The following FAAH2 variants were observed in gnomAD, a reference collection of about 807,000 sequenced individuals.
FAAH2 encodes fatty acid amide hydrolase 2, also known as fatty-acid amide hydrolase 2.
A neutral mutation model predicts 36.9 loss-of-function variants in FAAH2; 60 were observed. The ratio of observed to expected loss-of-function variants is 1.63; its 90% CI spans 1.32 to 2.02. The LOEUF is 2.02. Among genes scored for constraint, FAAH2 ranks in the 30% most tolerant of loss-of-function variants. FAAH2 has a pLI of 0.00. For synonymous variants in FAAH2, 214 were observed against 143.8 expected, an observed-to-expected ratio of 1.49 and a Z score of -3.49; for missense variants, 689 against 397.5, an observed-to-expected ratio of 1.73 and a Z score of -6.23.
chrX:57,304,617 T>G (rs930317722), intron 2 of FAAH2, among the ~76,000 whole-genome samples: 4 of 112,067 alleles, frequency 3.6e-5, no homozygotes, highest in Non-Finnish European at 5.6e-5. Context: ...CACTTAAGGT[T>G]AGAGATTGGG....
the FAAH2 span, among the ~76,000 whole-genome samples, chrX:57,157,754 G>T: frequency 9.0e-6 from 1 of 111,632 alleles, no homozygotes; most frequent in African/African-American, 3.3e-5. Context: ...TGTTCCGCAG[G>T]GGGTAGGAGG....
the FAAH2 span, among the ~76,000 whole-genome samples, chrX:57,122,563 A>C: frequency 3.6e-5 from 4 of 112,508 alleles, no homozygotes; most frequent in Admixed American, 9.4e-5. Context: ...GGAATGTTGA[A>C]ATAATTATTT....
chrX:57,309,623 A>G (rs751781978), intron 2 of FAAH2, among the ~76,000 whole-genome samples: 15 of 111,114 alleles, frequency 1.3e-4, no homozygotes, highest in African/African-American at 4.9e-4. Flanking sequence ...CACCCCTGAG[A>G]GGCCCCAGTG....
the FAAH2 span, among the ~76,000 whole-genome samples, chrX:57,194,958 TGTGTGTGTGTGTGTGTAA>T: frequency 1.8e-5 from 2 of 109,556 alleles, no homozygotes; most frequent in African/African-American, 3.3e-5. Context: ...TGTGTGTGTA[TGTGTGTGTGTGTGTGTAA>T]GTGTGTATAT....
At chrX:57,255,070 A>T in the FAAH2 span, among the ~76,000 whole-genome samples, 3 of 111,415 alleles carry the variant, frequency 2.7e-5, no homozygotes, top group Non-Finnish European at 5.7e-5. Context: ...AATCAAATAA[A>T]TGTAATAAAA....
chrX:57,390,826 C>A (rs1351647568), intron 7 of FAAH2, among the ~76,000 whole-genome samples: 1 of 111,048 alleles, frequency 9.0e-6, no homozygotes, highest in East Asian at 2.8e-4. Context: ...TAATTTTTTT[C>A]TTTTGGTTAG....
At chrX:57,201,865 A>G in the FAAH2 span, among the ~76,000 whole-genome samples, 1 of 111,526 alleles carries the variant, frequency 9.0e-6, no homozygotes, top group Non-Finnish European at 1.9e-5. Context: ...GTATTTTCAA[A>G]TAGCCTGTCT....
chrX:57,243,559 G>A, the FAAH2 span, among the ~76,000 whole-genome samples: 5 of 112,361 alleles, frequency 4.4e-5, no homozygotes, highest in African/African-American at 6.5e-5. Flanking sequence ...GGAAAAGGCA[G>A]CAATCTTTGC....
chrX:57,137,241 A>C, the FAAH2 span: 3 of 760,535 alleles, frequency 3.9e-6, no homozygotes, highest in East Asian at 4.4e-4. Context: ...CGCGGGCCTC[A>C]CGTGCCGAAA....
At chrX:57,468,008 C>A (rs959138726) in intron 10 of FAAH2, among the ~76,000 whole-genome samples, 1 of 111,859 alleles carries the variant, frequency 8.9e-6, no homozygotes, top group Non-Finnish European at 1.9e-5. Flanking sequence ...GGACCTCCAG[C>A]AAACTCAAAC....
At position 57,430,038 on chromosome X, in the gene FAAH2, G is replaced by A. The variant is rs1024232568; in HGVS notation, c.997-1880G>A. Among the ~76,000 whole-genome samples, 10 of 111,336 alleles carry A rather than the reference G, an allele frequency of 9.0e-5. No individual in the cohort carries two copies. In the East Asian group the frequency reaches 2.5e-3, roughly 28 times the overall value. On this transcript the variant is annotated intron_variant, in intron 7 of 10. Coordinates refer to ENST00000374900, the MANE Select transcript of FAAH2 (RefSeq NM_174912.4). ...AGACACTGGAGACTCAAAAGGATGG[G>A]AGGGATCAGAGGGGGTGAAGGATGA...
In FAAH2 at chrX:57,304,635, C is replaced by T. The variant is rs1044742236; in HGVS notation, c.276-5958C>T. ...TTAAGGTTAGAGATTGGGCCTATTC[C>T]CTGTAAGGCATATGGCAGTACAATA... On this transcript the variant is annotated intron_variant, in intron 2 of 10. Transcript: ENST00000374900. Among the ~76,000 whole-genome samples, 6 of 111,754 alleles carry T rather than the reference C, an allele frequency of 5.4e-5. No homozygotes were observed. In the East Asian group the frequency reaches 1.1e-3, roughly 21 times the overall value.
At chrX:57,165,137 C>T in the FAAH2 span, among the ~76,000 whole-genome samples, 1 of 112,418 alleles carries the variant, frequency 8.9e-6, no homozygotes, top group East Asian at 2.8e-4. Flanking sequence ...TGTGGCGATT[C>T]CTCATGGATC....
intron 10 of FAAH2, among the ~76,000 whole-genome samples, chrX:57,467,718 T>C (rs2057077665): frequency 9.0e-6 from 1 of 111,726 alleles, no homozygotes; most frequent in Non-Finnish European, 1.9e-5. Context: ...TCTGCAGACT[T>C]AAATGTCCCT....
the FAAH2 span, among the ~76,000 whole-genome samples, chrX:57,210,944 A>G: frequency 3.6e-3 from 404 of 112,621 alleles, 1 homozygote; most frequent in African/African-American, 0.013. Context: ...TGTATTTTAT[A>G]CAATATAGCA....
the FAAH2 span, among the ~76,000 whole-genome samples, chrX:57,166,520 C>T: frequency 1.8e-5 from 2 of 112,152 alleles, no homozygotes; most frequent in African/African-American, 6.5e-5. Context: ...GTAAGACTCA[C>T]CCCCATTGAA....
At chrX:57,425,824 C>A (rs1260894460) in intron 7 of FAAH2, among the ~76,000 whole-genome samples, 1 of 98,851 alleles carries the variant, frequency 1.0e-5, no homozygotes, top group Non-Finnish European at 2.1e-5. Context: ...AAGATTATGA[C>A]AGGAACAAAA....
intron 3 of FAAH2, among the ~76,000 whole-genome samples, chrX:57,328,367 T>C: frequency 8.9e-6 from 1 of 111,802 alleles, no homozygotes; most frequent in East Asian, 2.8e-4. Context: ...CTTGTTATTT[T>C]TTCATGAAAT....
intron 7 of FAAH2, among the ~76,000 whole-genome samples, chrX:57,390,188 G>C (rs972578365): frequency 9.0e-6 from 1 of 111,270 alleles, no homozygotes; most frequent in Admixed American, 9.5e-5. Context: ...TTTTTAGTTT[G>C]CTCTAAACCA....
Sources: gnomAD v4.1 joint callset for allele counts (sites outside exome capture counted in the v4.1 genomes callset) on GRCh38, gnomAD v4.1.1 for gene constraint, MANE v1.5 for transcripts, NCBI Gene and HGNC (gene_info 2026-07-23, HGNC 2026-07-21) for gene names.